PGBD2: variants seen among roughly 807,000 people sequenced by gnomAD.
PGBD2 encodes the protein piggyBac transposable element derived 2, also known as piggyBac transposable element-derived protein 2.
A neutral mutation model predicts 8.1 loss-of-function variants in PGBD2; 6 were observed. The ratio of observed to expected loss-of-function variants is 0.74; its 90% CI spans 0.40 to 1.46. The LOEUF (loss-of-function observed/expected upper bound fraction) is 1.46, where lower values mean the gene tolerates loss of function less well. Ranked by LOEUF, PGBD2 falls within the 40% of genes most tolerant of loss-of-function variation. The probability of loss-of-function intolerance (pLI) is 0.02; values close to 1 mark genes in which losing one functional copy is unlikely to be tolerated. For missense variants in PGBD2, 802 were observed against 739.0 expected, an observed-to-expected ratio of 1.09 and a Z score of -0.99; for synonymous variants, 318 against 272.2, an observed-to-expected ratio of 1.17 and a Z score of -1.66.
chr1:248,892,937 G>T, the PGBD2 span, among the ~76,000 whole-genome samples: 1 of 152,164 alleles, frequency 6.6e-6, no homozygotes, highest in East Asian at 1.9e-4. Context: ...TTGTCTATAT[G>T]CATTGTCATA....
the PGBD2 span, among the ~76,000 whole-genome samples, chr1:248,883,584 C>CTTTTTTTTTTTTTT: frequency 3.0e-4 from 27 of 89,138 alleles, 1 homozygote; most frequent in African/African-American, 8.7e-4. Flanking sequence ...TTTTTTTTTT[C>CTTTTTTTTTTTTTT]TTTTTTTTTT....
the PGBD2 span, among the ~76,000 whole-genome samples, chr1:248,887,533 A>C: frequency 6.6e-6 from 1 of 152,174 alleles, no homozygotes; most frequent in Non-Finnish European, 1.5e-5. Context: ...ATACCAATCC[A>C]TCTTGTTAGT....
intron 2 of PGBD2, chr1:248,914,450 G>C: frequency 7.8e-7 from 1 of 1,283,252 alleles, no homozygotes; most frequent in South Asian, 1.2e-5. Flanking sequence ...GCTTGGATGA[G>C]TGAATACCTC....
At chr1:248,929,251 T>A in the PGBD2 span, among the ~76,000 whole-genome samples, 1 of 152,194 alleles carries the variant, frequency 6.6e-6, no homozygotes, top group African/African-American at 2.4e-5. Context: ...AAACATCTGC[T>A]TTTATTGTAG....
intron 1 of PGBD2, among the ~76,000 whole-genome samples, chr1:248,906,932 C>A (rs61838534): frequency 0.051 from 7,691 of 152,144 alleles, 281 homozygotes; most frequent in Non-Finnish European, 0.072. Flanking sequence ...GTGGCCTGCC[C>A]TTCCACACCT....
chr1:248,914,643 A>C, intron 2 of PGBD2: 3 of 1,263,300 alleles, frequency 2.4e-6, no homozygotes, highest in Non-Finnish European at 3.1e-6. Flanking sequence ...GGGGCCTGCA[A>C]AGGGGCACAG....
chr1:248,877,033 C>T, the PGBD2 span, among the ~76,000 whole-genome samples: 1 of 152,134 alleles, frequency 6.6e-6, no homozygotes, highest in Non-Finnish European at 1.5e-5. Context: ...CCCCAAAAAT[C>T]ACATGTAATA....
the PGBD2 span, among the ~76,000 whole-genome samples, chr1:248,894,907 T>G: frequency 3.9e-5 from 6 of 152,126 alleles, no homozygotes; most frequent in Non-Finnish European, 8.8e-5. Flanking sequence ...GTGATCCTCC[T>G]GCCTCAGCCT....
At chr1:248,873,850 C>T in the PGBD2 span, among the ~76,000 whole-genome samples, 1,174 of 152,282 alleles carry the variant, frequency 7.7e-3, 5 homozygotes, top group East Asian at 0.027. Context: ...GCTCTGCTTC[C>T]GAGTGTCAGG....
the PGBD2 span, among the ~76,000 whole-genome samples, chr1:248,873,789 G>A: frequency 6.6e-6 from 1 of 152,216 alleles, no homozygotes. Context: ...ACTCGGGTGT[G>A]ACGCGGCAGG....
At chr1:248,911,060 C>T (rs1185446066) in intron 1 of PGBD2, among the ~76,000 whole-genome samples, 1 of 151,924 alleles carries the variant, frequency 6.6e-6, no homozygotes, top group Non-Finnish European at 1.5e-5. Flanking sequence ...CGAGCACCCA[C>T]GAATGTGTTT....
At chr1:248,893,774 A>AT in the PGBD2 span, among the ~76,000 whole-genome samples, 4 of 152,284 alleles carry the variant, frequency 2.6e-5, no homozygotes, top group Non-Finnish European at 5.9e-5. Context: ...TTGCTGGATT[A>AT]TTTGACAGTT....
At chr1:248,874,380 C>G in the PGBD2 span, among the ~76,000 whole-genome samples, 1 of 152,152 alleles carries the variant, frequency 6.6e-6, no homozygotes, top group African/African-American at 2.4e-5. Context: ...CCAGAGTCAG[C>G]TATGACTTGA....
the PGBD2 span, among the ~76,000 whole-genome samples, chr1:248,889,928 CTTTTT>C: frequency 1.5e-5 from 2 of 136,012 alleles, no homozygotes; most frequent in African/African-American, 2.8e-5. Flanking sequence ...TTTTTCTTTT[CTTTTT>C]TTTTTTTTTT....
upstream of PGBD2, among the ~76,000 whole-genome samples, chr1:248,903,905 A>G (rs531416523): frequency 1.1e-4 from 17 of 152,324 alleles, no homozygotes; most frequent in African/African-American, 3.6e-4. Context: ...GCTATGTACT[A>G]ACATCATCAA....
rs767942431 is a variant in PGBD2 at position 248,912,460 on chromosome 1, A to G, written c.-47-1356A>G. 7.9e-5 allele frequency among the ~76,000 whole-genome samples: 12 copies of G among 152,312 alleles called. No homozygotes were observed. The South Asian group carries it at 8.3e-4, about 11-fold the overall frequency. ...CCTCAATGGTTAAATGGGGGTTACT[A>G]CAACCTCAAGAAGATATGAAAGGAC... On this transcript the variant is annotated intron_variant, in intron 1 of 2. Coordinates refer to ENST00000329291, the MANE Select transcript of PGBD2 (RefSeq NM_170725.3).
At chr1:248,924,026 CA>C (rs1662337706), downstream of PGBD2, among the ~76,000 whole-genome samples, 1 of 152,236 alleles carries the variant, frequency 6.6e-6, no homozygotes, top group Non-Finnish European at 1.5e-5. Context: ...AGCTTCTTGA[CA>C]GGGGACACAG....
upstream of PGBD2, among the ~76,000 whole-genome samples, chr1:248,903,003 CT>C (rs1201449325): frequency 6.6e-6 from 1 of 152,086 alleles, no homozygotes; most frequent in Non-Finnish European, 1.5e-5. Context: ...ACACGTACCC[CT>C]GAACTTAAAA....
At chr1:248,874,302 C>A in the PGBD2 span, among the ~76,000 whole-genome samples, 2 of 152,160 alleles carry the variant, frequency 1.3e-5, no homozygotes, top group African/African-American at 4.8e-5. Context: ...GGCCCGGGTT[C>A]GATTCCCGGT....
Sources: gnomAD v4.1 joint callset for allele counts (sites outside exome capture counted in the v4.1 genomes callset) on GRCh38, gnomAD v4.1.1 for gene constraint, MANE v1.5 for transcripts, NCBI Gene and HGNC (gene_info 2026-07-23, HGNC 2026-07-21) for gene names.